Variants in CNKSR2 observed in about 807,000 individuals in gnomAD.
The protein encoded by CNKSR2 is CNK homolog protein 2.
In CNKSR2, 14 loss-of-function variants were observed where a neutral mutation model predicts 84.4. The ratio of observed to expected loss-of-function variants is 0.17; its 90% CI spans 0.11 to 0.26. The LOEUF is 0.26. Among genes scored for constraint, CNKSR2 ranks in the 10% least tolerant of loss-of-function variants. The probability of loss-of-function intolerance (pLI) is 1.00; values close to 1 mark genes in which losing one functional copy is unlikely to be tolerated. For synonymous variants in CNKSR2, 275 were observed against 277.9 expected (o/e 0.99, Z 0.10); for missense variants, 485 against 771.2 (o/e 0.63, Z 4.40).
intron 11 of CNKSR2, among the ~76,000 whole-genome samples, chrX:21,545,108 A>T (rs1203192349): frequency 9.0e-6 from 1 of 111,414 alleles, no homozygotes; most frequent in Non-Finnish European, 1.9e-5. Context: ...TCCCACCCCG[A>T]CAGAGCCCAG....
chrX:21,529,226 C>G (rs761211966), intron 10 of CNKSR2, among the ~76,000 whole-genome samples: 1 of 110,648 alleles, frequency 9.0e-6, no homozygotes, highest in African/African-American at 3.3e-5. Context: ...ATTTTTTGAA[C>G]ACATTTAATC....
intron 18 of CNKSR2, among the ~76,000 whole-genome samples, chrX:21,605,342 TTAAC>T (rs1416106901): frequency 8.9e-6 from 1 of 112,509 alleles, no homozygotes; most frequent in East Asian, 2.8e-4. Flanking sequence ...CAAATTAAGA[TTAAC>T]TAGTCTTTGC....
rs750178646 is a variant in CNKSR2, at chrX:21,646,459, T to C, written c.2693-2372T>C. ...TCTTAAAGTAAAACTACATTGAAATTTTATAAAATCAGTTATCTGCCCCAG... is the reference window on the plus strand; with the variant it reads ...TCTTAAAGTAAAACTACATTGAAATCTTATAAAATCAGTTATCTGCCCCAG... On this transcript the variant is annotated intron_variant, in intron 20 of 21. Coordinates refer to ENST00000379510, the MANE Select transcript of CNKSR2 (RefSeq NM_014927.5). Among the ~76,000 whole-genome samples the C allele has an allele frequency of 3.6e-5, 4 of 112,045 alleles. No individual in the cohort carries two copies. The South Asian group carries it at 1.5e-3, about 42-fold the overall frequency.
chrX:21,399,346 T>G (rs2090159210), intron 1 of CNKSR2, among the ~76,000 whole-genome samples: 1 of 111,562 alleles, frequency 9.0e-6, no homozygotes, highest in Non-Finnish European at 1.9e-5. Context: ...GGTTATACCT[T>G]ATAGGTATTT....
chrX:21,542,151 G>C (rs1436235154), intron 11 of CNKSR2, among the ~76,000 whole-genome samples: 1 of 112,141 alleles, frequency 8.9e-6, no homozygotes, highest in Non-Finnish European at 1.9e-5. Context: ...TTAAATCAGA[G>C]AGTATAAAAT....
At chrX:21,624,619 C>T (rs1030159394) in intron 20 of CNKSR2, among the ~76,000 whole-genome samples, 4 of 110,800 alleles carry the variant, frequency 3.6e-5, no homozygotes, top group Admixed American at 9.6e-5. Flanking sequence ...AAGCAATTTC[C>T]GGCTAATTTC....
intron 18 of CNKSR2, among the ~76,000 whole-genome samples, chrX:21,603,800 A>G (rs1185900620): frequency 8.9e-6 from 1 of 112,210 alleles, no homozygotes; most frequent in African/African-American, 3.2e-5. Context: ...ATCACACACA[A>G]AAATGAATGA....
intron 9 of CNKSR2, among the ~76,000 whole-genome samples, chrX:21,526,648 G>T (rs1297371932): frequency 1.8e-5 from 2 of 111,416 alleles, no homozygotes; most frequent in Admixed American, 1.9e-4. Context: ...TGAGTTGGGA[G>T]TGAAGTGGAA....
intron 11 of CNKSR2, among the ~76,000 whole-genome samples, chrX:21,559,178 A>G (rs2092165480): frequency 1.8e-5 from 2 of 110,748 alleles, no homozygotes; most frequent in African/African-American, 6.5e-5. Context: ...CTTAGCTTAA[A>G]AGAATTTAAA....
chrX:21,563,165 C>A, intron 12 of CNKSR2, 73 bp from the exon 13 acceptor site: 1 of 842,816 alleles, frequency 1.2e-6, no homozygotes, highest in South Asian at 3.0e-5. Flanking sequence ...AACCTAATAG[C>A]ACAATTGAGA....
At chrX:21,641,831 T>C (rs1013168095) in intron 20 of CNKSR2, 29 of 947,881 alleles carry the variant, frequency 3.1e-5, no homozygotes, top group Non-Finnish European at 3.7e-5. Flanking sequence ...AATGCGAGCT[T>C]TCTACATTGG....
At chrX:21,620,158 A>G (rs1170547264) in intron 20 of CNKSR2, among the ~76,000 whole-genome samples, 2 of 111,485 alleles carry the variant, frequency 1.8e-5, no homozygotes, top group East Asian at 2.8e-4. Context: ...GCTTTGCTGA[A>G]TAAGTAACTG....
At chrX:21,608,961 A>G in intron 19 of CNKSR2, 110 bp from the exon 20 acceptor site, 1 of 1,061,712 alleles carries the variant, frequency 9.4e-7, no homozygotes, top group Non-Finnish European at 1.2e-6. Context: ...TAACATGACT[A>G]CGTAAGAGTT....
At chrX:21,615,931 T>C (rs2092574796) in intron 20 of CNKSR2, among the ~76,000 whole-genome samples, 1 of 112,051 alleles carries the variant, frequency 8.9e-6, no homozygotes, top group Admixed American at 9.5e-5. Context: ...ATAGAAATGT[T>C]CCTCATTTCA....
intron 7 of CNKSR2, among the ~76,000 whole-genome samples, chrX:21,498,262 A>G (rs1047847363): frequency 8.9e-6 from 1 of 112,004 alleles, no homozygotes; most frequent in African/African-American, 3.2e-5. Context: ...GCAGCATGGT[A>G]TAGCTGAGTG....
chrX:21,488,037 T>C (rs1369734318), intron 5 of CNKSR2, among the ~76,000 whole-genome samples: 1 of 112,341 alleles, frequency 8.9e-6, no homozygotes, highest in Non-Finnish European at 1.9e-5. Context: ...GCACTTTGCC[T>C]AGCAGCTTTT....
chrX:21,531,090 TAAATG>T (rs2091882222), intron 10 of CNKSR2, among the ~76,000 whole-genome samples: 1 of 111,207 alleles, frequency 9.0e-6, no homozygotes, highest in African/African-American at 3.2e-5. Flanking sequence ...TTTTTACTCT[TAAATG>T]AGATACGTAG....
chrX:21,377,768 A>G (rs1452865920), intron 1 of CNKSR2, among the ~76,000 whole-genome samples: 2 of 111,422 alleles, frequency 1.8e-5, no homozygotes, highest in East Asian at 5.6e-4. Flanking sequence ...GACAATTTGT[A>G]GAAGTGGTAT....
At chrX:21,559,827 C>A (rs1212051204) in intron 11 of CNKSR2, among the ~76,000 whole-genome samples, 2 of 111,471 alleles carry the variant, frequency 1.8e-5, no homozygotes, top group Non-Finnish European at 3.8e-5. Flanking sequence ...TGAAAGGAAG[C>A]CATTAAATAA....
Sources: gnomAD v4.1 joint callset for allele counts (sites outside exome capture counted in the v4.1 genomes callset) on GRCh38, gnomAD v4.1.1 for gene constraint, MANE v1.5 for transcripts, NCBI Gene and HGNC (gene_info 2026-07-23, HGNC 2026-07-21) for gene names.